Variants in PDHX observed in about 807,000 individuals in gnomAD.
The protein encoded by PDHX is pyruvate dehydrogenase protein X component, mitochondrial.
Under a neutral mutation model 55.3 loss-of-function variants are expected in PDHX, and 33 were observed. The observed-to-expected ratio is 0.60, with a 90% CI of 0.45 to 0.80. The LOEUF (loss-of-function observed/expected upper bound fraction) is 0.80. PDHX is among the 30% of genes least tolerant of loss of function. PDHX has a pLI of 0.00. For missense variants in PDHX, 622 were observed against 619.9 expected (o/e 1.00, Z -0.04); for synonymous variants, 226 against 219.4 (o/e 1.03, Z -0.27).
chr11:34,975,152 A>G (rs904090067), intron 7 of PDHX, among the ~76,000 whole-genome samples: 9 of 151,180 alleles, frequency 6.0e-5, no homozygotes, highest in Non-Finnish European at 1.3e-4. Context: ...GTTCCATTGT[A>G]TATGATGTTT....
chr11:34,928,234 A>G (rs1365374766), intron 1 of PDHX, among the ~76,000 whole-genome samples: 1 of 152,148 alleles, frequency 6.6e-6, no homozygotes, highest in Non-Finnish European at 1.5e-5. Flanking sequence ...GAATCTGGCT[A>G]TAGAAGCATT....
intron 4 of PDHX, among the ~76,000 whole-genome samples, chr11:34,959,755 A>G (rs529068999): frequency 5.9e-5 from 9 of 152,194 alleles, no homozygotes; most frequent in Admixed American, 3.3e-4. Flanking sequence ...TAAATGCTGC[A>G]TGGATAAACC....
intron 2 of PDHX, among the ~76,000 whole-genome samples, chr11:34,938,372 A>G (rs1178696481): frequency 2.6e-5 from 4 of 152,256 alleles, no homozygotes; most frequent in Admixed American, 1.3e-4. Context: ...TGTAAATGAA[A>G]GAGCCAGTAC....
At chr11:34,944,381 A>G (rs879586039) in intron 2 of PDHX, among the ~76,000 whole-genome samples, 2 of 151,994 alleles carry the variant, frequency 1.3e-5, no homozygotes, top group Non-Finnish European at 2.9e-5. Flanking sequence ...CGGCCTCCCA[A>G]AGTGATGGGA....
chr11:34,955,444 A>T (rs946510410), intron 3 of PDHX, among the ~76,000 whole-genome samples: 1 of 152,228 alleles, frequency 6.6e-6, no homozygotes, highest in Non-Finnish European at 1.5e-5. Flanking sequence ...TAATGACTTT[A>T]AATGGAATTA....
At chr11:34,919,473 T>C (rs1328269069) in intron 1 of PDHX, among the ~76,000 whole-genome samples, 1 of 152,244 alleles carries the variant, frequency 6.6e-6, no homozygotes, top group Non-Finnish European at 1.5e-5. Flanking sequence ...TAAGAGGTGC[T>C]GGCAGCATTT....
chr11:34,941,568 G>A (rs1229785424), intron 2 of PDHX, among the ~76,000 whole-genome samples: 1 of 152,010 alleles, frequency 6.6e-6, no homozygotes, highest in East Asian at 1.9e-4. Flanking sequence ...CTGATAACTT[G>A]GTCTTACAGA....
At position 34,917,705 on chromosome 11, in the gene PDHX, A is replaced by G. The variant is rs575558699; in HGVS notation, c.160+890A>G. On this transcript the variant is annotated intron_variant, in intron 1 of 10. Coordinates refer to ENST00000227868, the MANE Select transcript of PDHX (RefSeq NM_003477.3). Reference sequence around the variant, plus strand: ...TAGGCTCAGAAAAAAAAAATCACACAAAGTCATATGGTAAGATGAGTGTAT... The same window carrying G: ...TAGGCTCAGAAAAAAAAAATCACACGAAGTCATATGGTAAGATGAGTGTAT... Among the ~76,000 whole-genome samples, 5 of 152,256 alleles carry G rather than the reference A, an allele frequency of 3.3e-5. No individual in the cohort carries two copies. In the East Asian group the frequency reaches 9.6e-4, roughly 29 times the overall value.
Position 34,995,117 on chromosome 11 carries a change from C to T in PDHX, c.1451C>T (p.Thr484Ile). ...CGAGTGGTTGATGACGAACTGGCAA[C>T]CAGGTTTCTTAAAAGTTTTAAAGCA... ...DSRVVDDELA[T>I]RFLKSFKANL... Residue 484 changes from threonine to isoleucine, a missense_variant, in exon 11 of 11, where the codon ACC becomes ATC. Transcript: ENST00000227868. 6.2e-7 allele frequency: 1 copy of T among 1,614,008 alleles called. No homozygotes were observed. The highest frequency in any genetic ancestry group is 8.5e-7 in the Non-Finnish European group (1 of 1,179,930).
intron 1 of PDHX, among the ~76,000 whole-genome samples, chr11:34,917,161 T>C (rs539662963): frequency 5.9e-5 from 9 of 152,286 alleles, no homozygotes; most frequent in African/African-American, 2.2e-4. Flanking sequence ...TTGTCAAACG[T>C]CTCGGACGAG....
At chr11:34,991,941 A>G (rs1012687671) in intron 9 of PDHX, among the ~76,000 whole-genome samples, 1 of 150,388 alleles carries the variant, frequency 6.6e-6, no homozygotes, top group Non-Finnish European at 1.5e-5. Context: ...AAAAAACACT[A>G]GATTGACCAG....
chr11:34,922,673 AG>A (rs1853914528), intron 1 of PDHX, among the ~76,000 whole-genome samples: 1 of 152,216 alleles, frequency 6.6e-6, no homozygotes, highest in Admixed American at 6.5e-5. Context: ...CTATCATTTT[AG>A]AACAATTAAG....
chr11:34,969,084 G>C (rs1276469126), intron 6 of PDHX, among the ~76,000 whole-genome samples: 2 of 152,094 alleles, frequency 1.3e-5, no homozygotes, highest in Non-Finnish European at 2.9e-5. Context: ...AACAACCACT[G>C]CTCTGCAGTG....
At chr11:34,916,564 G>A, upstream of PDHX, 1 of 1,546,544 alleles carries the variant, frequency 6.5e-7, no homozygotes, top group Non-Finnish European at 8.7e-7. Flanking sequence ...GGCACCGCTA[G>A]CGTCTGGGGG....
intron 3 of PDHX, among the ~76,000 whole-genome samples, chr11:34,954,353 T>A (rs1282250261): frequency 6.6e-6 from 1 of 152,236 alleles, no homozygotes; most frequent in East Asian, 1.9e-4. Flanking sequence ...ATGTTTTGCA[T>A]CTCATATCCC....
At chr11:34,964,366 G>A (rs911576568) in intron 5 of PDHX, among the ~76,000 whole-genome samples, 1 of 152,188 alleles carries the variant, frequency 6.6e-6, no homozygotes, top group African/African-American at 2.4e-5. Context: ...TGCTTTGGGA[G>A]ACCAAGGCTG....
At chr11:34,967,556 C>G (rs935410653) in intron 6 of PDHX, among the ~76,000 whole-genome samples, 4 of 152,182 alleles carry the variant, frequency 2.6e-5, no homozygotes, top group African/African-American at 7.2e-5. Context: ...GCTAGTCATT[C>G]TTTCCTTCTC....
At chr11:34,916,162 C>T (rs1853681499), upstream of PDHX, 1 of 1,561,880 alleles carries the variant, frequency 6.4e-7, no homozygotes, top group Admixed American at 1.8e-5. Context: ...CGCCCAGCTC[C>T]AGCCGCCGGG....
chr11:34,959,652 G>A lies in PDHX; in HGVS notation c.543-768G>A, dbSNP rs76038470. On this transcript the variant is annotated intron_variant, in intron 4 of 10. Transcript: ENST00000227868. ...AGATATTTGTACATCTATGTTCATA[G>A]CAACATTATTCACAGTAGCAAAATG... 3.1e-3 allele frequency among the ~76,000 whole-genome samples: 475 copies of A among 152,078 alleles called. 2 individuals carry two copies. Among genetic ancestry groups the A allele is most frequent in the African/African-American group, 0.011 (458 of 41,486 alleles).
Sources: allele counts gnomAD v4.1 joint callset (sites outside exome capture counted in the v4.1 genomes callset), GRCh38; gene constraint gnomAD v4.1.1; transcripts MANE v1.5; gene names NCBI Gene and HGNC (gene_info 2026-07-23, HGNC 2026-07-21).